WDFY2: variants seen among roughly 807,000 people sequenced by gnomAD.
WDFY2 encodes WD repeat and FYVE domain containing 2, also known as WD repeat and FYVE domain-containing protein 2.
A neutral mutation model predicts 56.4 loss-of-function variants in WDFY2; 36 were observed. The observed-to-expected ratio is 0.64, with a 90% confidence interval of 0.49 to 0.84. The LOEUF (loss-of-function observed/expected upper bound fraction) is 0.84. WDFY2 is among the 40% of genes least tolerant of loss of function. The probability of loss-of-function intolerance (pLI) is 0.00; values close to 1 mark genes in which losing one functional copy is unlikely to be tolerated. For missense variants in WDFY2, 444 were observed against 512.2 expected (o/e 0.87, Z 1.29); for synonymous variants, 176 against 183.7 (o/e 0.96, Z 0.34).
At chr13:51,751,188 T>G in intron 7 of WDFY2, 122 bp from the exon 8 acceptor site, 1 of 754,802 alleles carries the variant, frequency 1.3e-6, no homozygotes, top group Non-Finnish European at 2.0e-6. Context: ...CCAACAGGTT[T>G]CTAAGATCTA....
chr13:51,613,401 C>T (rs1290855687), intron 1 of WDFY2, among the ~76,000 whole-genome samples: 3 of 152,080 alleles, frequency 2.0e-5, no homozygotes, highest in Admixed American at 6.6e-5. Flanking sequence ...GGCTGGCTAG[C>T]TAAAGTGAGG....
intron 4 of WDFY2, among the ~76,000 whole-genome samples, chr13:51,710,136 C>T (rs543780672): frequency 4.0e-4 from 61 of 152,236 alleles, no homozygotes; most frequent in South Asian, 3.5e-3. Flanking sequence ...GTTCAACATA[C>T]GCAAATCAAT....
At chr13:51,743,030 C>T (rs1297787139) in intron 7 of WDFY2, among the ~76,000 whole-genome samples, 2 of 152,178 alleles carry the variant, frequency 1.3e-5, no homozygotes. Context: ...AGAATTCTTG[C>T]ATTCAGCTTC....
rs141211450 is a variant in WDFY2 at position 51,609,838 on chromosome 13, A to G, written c.137+25014A>G. The stretch of plus-strand genomic sequence containing the variant: ...AACCCCATCTTTATCTTTAAAAGCT[A>G]AATTGATTCTAAGGGAAGTTCCTAG... On this transcript the variant is annotated intron_variant, in intron 1 of 11. Transcript: ENST00000298125. Among the ~76,000 whole-genome samples the G allele has an allele frequency of 3.6e-3, 549 of 152,212 alleles. 1 individual carries two copies. Among genetic ancestry groups the G allele is most frequent in the African/African-American group, 0.013 (522 of 41,528 alleles).
At chr13:51,695,185 C>T (rs932588519) in intron 3 of WDFY2, among the ~76,000 whole-genome samples, 3 of 152,242 alleles carry the variant, frequency 2.0e-5, no homozygotes, top group Non-Finnish European at 2.9e-5. Context: ...CTCAGCTCGT[C>T]AAAGGCATTC....
chr13:51,736,283 A>C (rs1952834179), intron 6 of WDFY2, among the ~76,000 whole-genome samples: 1 of 152,214 alleles, frequency 6.6e-6, no homozygotes, highest in South Asian at 2.1e-4. Context: ...TTTACAGATG[A>C]GACTTCTGAG....
At chr13:51,609,722 A>C (rs9596545) in intron 1 of WDFY2, among the ~76,000 whole-genome samples, 1 of 151,718 alleles carries the variant, frequency 6.6e-6, no homozygotes, top group African/African-American at 2.4e-5. Flanking sequence ...TTGAAAAGCT[A>C]TCTGCTTGTT....
At chr13:51,648,850 T>G (rs1955311633) in intron 1 of WDFY2, among the ~76,000 whole-genome samples, 1 of 152,220 alleles carries the variant, frequency 6.6e-6, no homozygotes, top group South Asian at 2.1e-4. Context: ...AATTATGCTG[T>G]TTTTAAATAG....
intron 3 of WDFY2, among the ~76,000 whole-genome samples, chr13:51,699,257 G>A (rs1951935261): frequency 6.6e-6 from 1 of 152,218 alleles, no homozygotes; most frequent in Non-Finnish European, 1.5e-5. Context: ...AGGGATATGG[G>A]AGACAGCTGG....
At chr13:51,616,429 TA>T (rs1954615379) in intron 1 of WDFY2, among the ~76,000 whole-genome samples, 1 of 152,156 alleles carries the variant, frequency 6.6e-6, no homozygotes, top group Non-Finnish European at 1.5e-5. Flanking sequence ...TTCAATTACC[TA>T]GTACTCACCT....
At chr13:51,599,949 G>C (rs778751733) in intron 1 of WDFY2, among the ~76,000 whole-genome samples, 8 of 151,106 alleles carry the variant, frequency 5.3e-5, no homozygotes, top group Non-Finnish European at 4.4e-5. Flanking sequence ...TCTGGGGCTT[G>C]CAGTGCTTGC....
At chr13:51,653,856 G>T (rs1353273805) in intron 1 of WDFY2, among the ~76,000 whole-genome samples, 2 of 152,336 alleles carry the variant, frequency 1.3e-5, no homozygotes, top group African/African-American at 2.4e-5. Flanking sequence ...GGGGGTCAGG[G>T]ACCCACTTGA....
chr13:51,619,226 G>A (rs1346580816), intron 1 of WDFY2, among the ~76,000 whole-genome samples: 1 of 152,176 alleles, frequency 6.6e-6, no homozygotes, highest in Non-Finnish European at 1.5e-5. Flanking sequence ...GCTGAGGCGG[G>A]CAGACTGCTT....
rs1453949908 is a variant in WDFY2, at chr13:51,761,866, GCA to G, written c.*2103_*2104del. 2 of 152,262 alleles carry G rather than the reference GCA, an allele frequency of 1.3e-5. No individual in the cohort carries two copies. The highest frequency in any genetic ancestry group is 3.9e-4 in the East Asian group (2 of 5,172). 9.4% of individuals were successfully genotyped at this position (152,262 alleles called of 1,614,324 possible). ...CCCATGTGACCGGAGCTCTGAAGAGGCACACACGCATGCCCCGCACAGGCTGT... is the reference window on the plus strand; with the variant it reads ...CCCATGTGACCGGAGCTCTGAAGAGGCACACGCATGCCCCGCACAGGCTGT... On this transcript the variant is annotated 3_prime_UTR_variant, in exon 12 of 12. Transcript: ENST00000298125.
chr13:51,594,022 G>A (rs919079385), intron 1 of WDFY2: 10 of 152,334 alleles, frequency 6.6e-5, no homozygotes, highest in Non-Finnish European at 1.0e-4. Context: ...CTCTGTTTCC[G>A]ACTTGGGCCA....
chr13:51,609,114 T>C (rs754136125), intron 1 of WDFY2, among the ~76,000 whole-genome samples: 3 of 152,144 alleles, frequency 2.0e-5, no homozygotes, highest in Non-Finnish European at 2.9e-5. Context: ...ATTTTTAACT[T>C]AAAAAAATTG....
intron 1 of WDFY2, among the ~76,000 whole-genome samples, chr13:51,624,026 GA>G (rs1003087678): frequency 6.6e-6 from 1 of 152,126 alleles, no homozygotes; most frequent in Non-Finnish European, 1.5e-5. Context: ...GGAAGTGATT[GA>G]CCCCTATTTT....
intron 11 of WDFY2, among the ~76,000 whole-genome samples, chr13:51,759,240 A>G (rs534393546): frequency 6.6e-6 from 1 of 152,348 alleles, no homozygotes; most frequent in East Asian, 1.9e-4. Flanking sequence ...TTTATTTTTG[A>G]AAACGAGGTA....
chr13:51,754,369 C>T (rs971585089), intron 8 of WDFY2, among the ~76,000 whole-genome samples: 6 of 152,094 alleles, frequency 3.9e-5, no homozygotes, highest in Admixed American at 6.5e-5. Context: ...GACTCAGGGC[C>T]ATAAACCCAA....
Sources: gnomAD v4.1 joint callset for allele counts (sites outside exome capture counted in the v4.1 genomes callset) on GRCh38, gnomAD v4.1.1 for gene constraint, MANE v1.5 for transcripts, NCBI Gene and HGNC (gene_info 2026-07-23, HGNC 2026-07-21) for gene names.